Variants in DOCK5 observed in about 807,000 individuals in gnomAD.
DOCK5 encodes dedicator of cytokinesis protein 5.
A neutral mutation model predicts 251.8 loss-of-function variants in DOCK5; 142 were observed. The ratio of observed to expected loss-of-function variants is 0.56; its 90% CI spans 0.49 to 0.65. The LOEUF (loss-of-function observed/expected upper bound fraction) is 0.65, where lower values mean the gene tolerates loss of function less well. Ranked by LOEUF, DOCK5 falls within the 30% of genes least tolerant of loss-of-function variation. The pLI is 0.00. For synonymous variants in DOCK5, 842 were observed against 835.5 expected, an observed-to-expected ratio of 1.01 and a Z score of -0.13; for missense variants, 2,111 against 2,312.3, an observed-to-expected ratio of 0.91 and a Z score of 1.79.
intron 3 of DOCK5, among the ~76,000 whole-genome samples, chr8:25,269,657 T>G (rs896766273): frequency 9.9e-5 from 15 of 151,976 alleles, no homozygotes; most frequent in African/African-American, 3.4e-4. Context: ...AATACCTCCC[T>G]CAGTTTCTTT....
chr8:25,264,818 C>T lies in DOCK5; in HGVS notation c.128-4027C>T, dbSNP rs28599983. ...CTCCAGCCTGGGTGACAGAGCAGGA[C>T]TGTCTCAAAAAACAAAAAACAACAA... is the stretch of plus-strand genomic sequence containing the variant. On this transcript the variant is annotated intron_variant, in intron 2 of 51. Transcript: ENST00000276440. Among the ~76,000 whole-genome samples the T allele has an allele frequency of 1.9e-3, 282 of 150,592 alleles. 4 individuals are homozygous for T. The highest frequency in any genetic ancestry group is 0.01 in the Middle Eastern group (3 of 294).
At chr8:25,388,442 T>TG (rs1379757096) in intron 40 of DOCK5, among the ~76,000 whole-genome samples, 1 of 151,568 alleles carries the variant, frequency 6.6e-6, no homozygotes, top group Non-Finnish European at 1.5e-5. Flanking sequence ...GAAATCTCTT[T>TG]GGGGAAAAAA....
chr8:25,372,547 C>T lies in DOCK5; in HGVS notation c.3525-12C>T. On this transcript the variant is annotated splice_polypyrimidine_tract_variant and intron_variant, in intron 34 of 51. Transcript: ENST00000276440. ...GGAACCTGGGCTTTTGTCTCTCCCT[C>T]CGCCCCTCCAGGCTCCTAGAACATT... The T allele has an allele frequency of 6.4e-7, 1 of 1,562,744 alleles. No individual in the cohort carries two copies.
intron 26 of DOCK5, 181 bp from the exon 27 acceptor site, chr8:25,351,550 A>G (rs1005656957): frequency 1.1e-5 from 6 of 566,314 alleles, no homozygotes; most frequent in Non-Finnish European, 1.6e-5. Context: ...ATCATTTTCA[A>G]CTATTTTCTT....
chr8:25,338,512 A>T (rs1195958336), intron 22 of DOCK5, among the ~76,000 whole-genome samples: 1 of 151,616 alleles, frequency 6.6e-6, no homozygotes, highest in Admixed American at 6.6e-5. Flanking sequence ...GATTGTTTTT[A>T]AAAAATGTTT....
At position 25,341,805 on chromosome 8, in the gene DOCK5, C is replaced by G. The variant is rs1440079219; in HGVS notation, c.2506C>G (p.Leu836Val). 6.4e-7 allele frequency: 1 copy of G among 1,564,802 alleles called. No individual in the cohort carries two copies. Among genetic ancestry groups the G allele is most frequent in the African/African-American group, 1.4e-5 (1 of 73,874 alleles). ...CAAACTTGTATTTGATCCTGTTGAG[C>G]TCAGGTAAATAGCAAAACAAAATTT... ...DVKLVFDPVE[L>V]SVLFCKFIQS... The change falls in exon 24 of 52, where the codon CTC (leucine) becomes GTC (valine). Residue 836 changes from leucine to valine, a missense_variant. Physicochemically the swap from Leu to Val is conservative, Grantham distance 32. Transcript: ENST00000276440.
At chr8:25,223,349 C>G (rs532957306) in intron 1 of DOCK5, among the ~76,000 whole-genome samples, 2 of 152,090 alleles carry the variant, frequency 1.3e-5, no homozygotes, top group African/African-American at 2.4e-5. Context: ...GGTTTTTGCT[C>G]TGTCATCTGG....
chr8:25,328,018 A>C (rs73560482), intron 18 of DOCK5, among the ~76,000 whole-genome samples: 178 of 152,162 alleles, frequency 1.2e-3, no homozygotes, highest in African/African-American at 4.0e-3. Flanking sequence ...TTGTTAATTA[A>C]ATTTTATTAA....
In DOCK5 at chr8:25,369,632, T is replaced by A; in HGVS notation, c.3515T>A (p.Leu1172Gln). 1 of 1,607,728 alleles carries A rather than the reference T, an allele frequency of 6.2e-7. No individual in the cohort carries two copies. The highest frequency in any genetic ancestry group is 8.5e-7 in the Non-Finnish European group (1 of 1,177,020). Residue 1172 changes from leucine (L) to glutamine (Q), a missense_variant, in exon 34 of 52, where the codon CTG becomes CAG. By Grantham distance (113) the Leu-to-Gln change is moderately radical. This residue lies in a region of DOCK5 where 1,717 missense variants were observed against 1,892.4 expected (regional missense o/e 0.91). Transcript: ENST00000276440. ...GGAGACGAACAATACAAGGTTCTTC[T>A]GGAAAAACTGTGAGTATTTCAGGAA... ...GRGDEQYKVL[L>Q]EKLLLEHCRK...
chr8:25,206,917 C>G (rs1045844609), intron 1 of DOCK5, among the ~76,000 whole-genome samples: 3 of 152,164 alleles, frequency 2.0e-5, no homozygotes, highest in African/African-American at 7.2e-5. Context: ...ACTGAAAAAG[C>G]TGATTGATAG....
chr8:25,266,752 A>G (rs1234695548), intron 2 of DOCK5, among the ~76,000 whole-genome samples: 2 of 151,882 alleles, frequency 1.3e-5, no homozygotes, highest in Admixed American at 6.6e-5. Context: ...GAAAATGAAC[A>G]TTCACGTTTA....
chr8:25,363,639 G>C (rs1046628887), intron 29 of DOCK5, among the ~76,000 whole-genome samples: 1 of 152,156 alleles, frequency 6.6e-6, no homozygotes, highest in Non-Finnish European at 1.5e-5. Flanking sequence ...AAATAATTTA[G>C]TAGTTCAAAA....
chr8:25,368,519 CTT>C (rs758258022), intron 32 of DOCK5, 50 bp from the exon 33 acceptor site: 31 of 1,547,754 alleles, frequency 2.0e-5, no homozygotes, highest in Non-Finnish European at 2.7e-5. Flanking sequence ...GATTTTAACA[CTT>C]TACTTTCAGT....
Position 25,246,704 on chromosome 8 carries a change from TTGTGTGTGTGTGTGTG to T in DOCK5, c.127+2984_127+2999del, listed in dbSNP as rs55963570. Among the ~76,000 whole-genome samples, 332 of 89,604 alleles carry T rather than the reference TTGTGTGTGTGTGTGTG, an allele frequency of 3.7e-3. 4 individuals carry two copies. The highest frequency in any genetic ancestry group is 0.01 in the African/African-American group (257 of 25,262). 58.8% of individuals were successfully genotyped at this position (89,604 alleles called of 152,430 possible). On this transcript the variant is annotated intron_variant, in intron 2 of 51. Coordinates refer to ENST00000276440, the MANE Select transcript of DOCK5 (RefSeq NM_024940.8). Reference sequence around the variant, plus strand: ...GGTAATTCTTCACTGCCATGTTAGTTTGTGTGTGTGTGTGTGTGTGTGTGTGTGTGTGTGTGTGTGT... The same window carrying T: ...GGTAATTCTTCACTGCCATGTTAGTTTGTGTGTGTGTGTGTGTGTGTGTGT...
At chr8:25,256,638 C>CAAAAAAAA (rs891243325) in intron 2 of DOCK5, among the ~76,000 whole-genome samples, 1 of 48,950 alleles carries the variant, frequency 2.0e-5, no homozygotes. Flanking sequence ...ATCTCCATCT[C>CAAAAAAAA]AAAAAAAAAA....
chr8:25,299,168 C>A, intron 8 of DOCK5, 67 bp downstream of exon 8: 1 of 1,536,202 alleles, frequency 6.5e-7, no homozygotes. Flanking sequence ...TGACCCCTAC[C>A]CGGGCAGCTC....
In DOCK5 at chr8:25,332,329, A is replaced by G. The variant is rs376807635; in HGVS notation, c.1982A>G (p.Asp661Gly). ...AACCTAAAGAAGTTAATGGAAGTGG[A>G]TGGAGGAGAGATTGTTAAGGTATGT... ...KHNLKKLMEV[D>G]GGEIVKFLQD... is the part of the protein sequence containing the mutation. The change falls in exon 19 of 52, where the codon GAT (aspartate) becomes GGT (glycine). Residue 661 changes from aspartate to glycine, a missense_variant. Transcript: ENST00000276440. The G allele has an allele frequency of 6.2e-7, 1 of 1,613,268 alleles. No homozygotes were observed. The highest frequency in any genetic ancestry group is 1.3e-5 in the African/African-American group (1 of 74,884).
At chr8:25,319,840 G>A (rs779382180) in intron 15 of DOCK5, among the ~76,000 whole-genome samples, 164 bp downstream of exon 15, 5 of 152,122 alleles carry the variant, frequency 3.3e-5, no homozygotes, top group Admixed American at 3.3e-4. Context: ...TGTATTAAGA[G>A]CATTTATCAT....
At chr8:25,286,131 C>G (rs1804324404) in intron 5 of DOCK5, among the ~76,000 whole-genome samples, 1 of 152,110 alleles carries the variant, frequency 6.6e-6, no homozygotes, top group Non-Finnish European at 1.5e-5. Flanking sequence ...GAATTCTCTT[C>G]TTCCCGGGGT....
Sources: gnomAD v4.1 joint callset for allele counts (sites outside exome capture counted in the v4.1 genomes callset) on GRCh38, gnomAD v4.1.1 for gene constraint, gnomAD v4.1.1 regional missense constraint, MANE v1.5 for transcripts, NCBI Gene and HGNC (gene_info 2026-07-23, HGNC 2026-07-21) for gene names.